The following PSD3 variants were observed in gnomAD, a reference collection of about 807,000 sequenced individuals.
PSD3 encodes the protein pleckstrin and Sec7 domain containing 3, also known as PH and SEC7 domain-containing protein 3.
In PSD3, 49 loss-of-function variants were observed where a neutral mutation model predicts 105.5. The observed-to-expected ratio is 0.46, with a 90% CI of 0.37 to 0.59. The LOEUF (loss-of-function observed/expected upper bound fraction) is 0.59. Ranked by LOEUF, PSD3 falls within the 20% of genes least tolerant of loss-of-function variation. The pLI is 0.00. For missense variants in PSD3, 1,561 were observed against 1,263.8 expected (o/e 1.24, Z -3.57); for synonymous variants, 557 against 457.8 (o/e 1.22, Z -2.77).
intron 1 of PSD3, among the ~76,000 whole-genome samples, chr8:18,976,278 C>T (rs948773892): frequency 2.6e-5 from 4 of 152,090 alleles, no homozygotes; most frequent in Admixed American, 2.0e-4. Flanking sequence ...AAAAGAAATA[C>T]AAATGCCCAA....
chr8:18,764,037 T>A (rs368750605), intron 9 of PSD3, among the ~76,000 whole-genome samples: 25 of 152,200 alleles, frequency 1.6e-4, no homozygotes, highest in African/African-American at 5.5e-4. Context: ...GACTGTATAT[T>A]AACCATACAC....
intron 11 of PSD3, among the ~76,000 whole-genome samples, chr8:18,617,843 G>C (rs1805808914): frequency 1.3e-5 from 2 of 152,200 alleles, no homozygotes; most frequent in East Asian, 1.9e-4. Context: ...TCACATGATG[G>C]ATAGCAGGTC....
intron 10 of PSD3, among the ~76,000 whole-genome samples, chr8:18,654,562 A>G (rs1808747956): frequency 6.6e-6 from 1 of 152,250 alleles, no homozygotes. Context: ...TATATTGATT[A>G]GGGAAATTTT....
At chr8:18,603,918 G>C (rs986751215) in intron 11 of PSD3, among the ~76,000 whole-genome samples, 2 of 152,086 alleles carry the variant, frequency 1.3e-5, no homozygotes, top group Non-Finnish European at 2.9e-5. Flanking sequence ...CATGCTTCCT[G>C]TACAGCCTGC....
At chr8:18,875,423 T>A (rs527837404) in intron 2 of PSD3, among the ~76,000 whole-genome samples, 1 of 151,352 alleles carries the variant, frequency 6.6e-6, no homozygotes, top group Admixed American at 6.5e-5. Context: ...AATATTGATA[T>A]TTTATGTCTT....
At chr8:19,048,972 AG>A (rs1041898080) in intron 1 of PSD3, among the ~76,000 whole-genome samples, 7 of 152,102 alleles carry the variant, frequency 4.6e-5, no homozygotes, top group African/African-American at 1.7e-4. Context: ...CTATCCTCAC[AG>A]GGTCACCCCT....
intron 9 of PSD3, among the ~76,000 whole-genome samples, chr8:18,697,879 C>T (rs1258799384): frequency 2.6e-5 from 4 of 152,212 alleles, no homozygotes; most frequent in African/African-American, 9.6e-5. Flanking sequence ...ATCGTTGCAT[C>T]ACTTTTCTCT....
chr8:18,962,472 T>C (rs1212174055), intron 1 of PSD3, among the ~76,000 whole-genome samples: 1 of 152,162 alleles, frequency 6.6e-6, no homozygotes, highest in Admixed American at 6.5e-5. Context: ...GCAAAAGGTA[T>C]TTTTGGTGGG....
chr8:18,784,536 G>C (rs1005677050), intron 8 of PSD3, among the ~76,000 whole-genome samples: 2 of 152,202 alleles, frequency 1.3e-5, no homozygotes, highest in Admixed American at 6.5e-5. Flanking sequence ...AGTTTCGGGT[G>C]TCAATTGGTA....
intron 2 of PSD3, among the ~76,000 whole-genome samples, chr8:18,923,956 AG>A (rs1235705714): frequency 2.0e-5 from 3 of 152,166 alleles, no homozygotes; most frequent in Non-Finnish European, 4.4e-5. Context: ...CTAAAAAAAT[AG>A]ATCTTGTAGA....
In PSD3 at chr8:18,795,510, T is replaced by A. The variant is rs13261634; in HGVS notation, c.2082+3785A>T. Among the ~76,000 whole-genome samples, 49 of 152,252 alleles carry A rather than the reference T, an allele frequency of 3.2e-4. No homozygotes were observed. The East Asian group carries it at 8.9e-3, about 28-fold the overall frequency. ...TGATTAAAAACAATGCCCTGGCTAC[T>A]GCCTCTTACCATGGCCTGACCTTGG... On this transcript the variant is annotated intron_variant, in intron 8 of 15. Coordinates refer to ENST00000327040, the MANE Select transcript of PSD3 (RefSeq NM_015310.4).
chr8:19,076,775 C>T (rs996966894), intron 1 of PSD3, among the ~76,000 whole-genome samples: 1 of 152,152 alleles, frequency 6.6e-6, no homozygotes, highest in African/African-American at 2.4e-5. Context: ...TCCTCCCTCC[C>T]TTCCTCCCTC....
chr8:18,761,083 A>G (rs1806490219), intron 9 of PSD3, among the ~76,000 whole-genome samples: 1 of 152,210 alleles, frequency 6.6e-6, no homozygotes, highest in Non-Finnish European at 1.5e-5. Context: ...CCCCTCTTGT[A>G]GCATCAAAGA....
At chr8:19,073,510 C>T (rs1289131661) in intron 1 of PSD3, among the ~76,000 whole-genome samples, 5 of 131,358 alleles carry the variant, frequency 3.8e-5, no homozygotes, top group African/African-American at 1.5e-4. Flanking sequence ...GAGATCACGA[C>T]ACTGCACTCC....
At chr8:18,593,829 A>G (rs1380852064) in intron 12 of PSD3, among the ~76,000 whole-genome samples, 1 of 151,730 alleles carries the variant, frequency 6.6e-6, no homozygotes, top group Non-Finnish European at 1.5e-5. Flanking sequence ...TTGTAGGGAC[A>G]TGGATGAAGC....
At chr8:19,033,851 A>G (rs1827853071) in intron 1 of PSD3, among the ~76,000 whole-genome samples, 2 of 152,282 alleles carry the variant, frequency 1.3e-5, no homozygotes, top group South Asian at 2.1e-4. Flanking sequence ...GAAGCTGGTC[A>G]TCATACAATG....
At chr8:18,835,802 G>A (rs1388594494) in intron 4 of PSD3, among the ~76,000 whole-genome samples, 1 of 152,192 alleles carries the variant, frequency 6.6e-6, no homozygotes, top group Admixed American at 6.5e-5. Context: ...AATGGCCAAA[G>A]AGGCCAATGC....
intron 15 of PSD3, among the ~76,000 whole-genome samples, chr8:18,551,289 G>A (rs1346175348): frequency 1.3e-5 from 2 of 152,110 alleles, no homozygotes; most frequent in Non-Finnish European, 2.9e-5. Flanking sequence ...ACTACCCAAC[G>A]CTACTGACTA....
chr8:19,061,299 A>G lies in PSD3; in HGVS notation c.324+22907T>C, dbSNP rs78780698. ...AGTTGGTCAAGATCCTTATAATTAG[A>G]GAATAAAAATAAAAATATTTTGGGA... On this transcript the variant is annotated intron_variant, in intron 1 of 1. Coordinates refer to the PSD3 transcript ENST00000521475. 2.6e-3 allele frequency among the ~76,000 whole-genome samples: 391 copies of G among 152,314 alleles called. 3 individuals carry two copies. Among genetic ancestry groups the G allele is most frequent in the African/African-American group, 8.9e-3 (368 of 41,576 alleles).
Sources: allele counts gnomAD v4.1 joint callset (sites outside exome capture counted in the v4.1 genomes callset), GRCh38; gene constraint gnomAD v4.1.1; transcripts MANE v1.5; gene names NCBI Gene and HGNC (gene_info 2026-07-23, HGNC 2026-07-21).